The following MICAL2 variants were observed in gnomAD, a reference collection of about 807,000 sequenced individuals.
MICAL2 encodes [F-actin]-monooxygenase MICAL2.
Under a neutral mutation model 127.3 loss-of-function variants are expected in MICAL2, and 77 were observed. The ratio of observed to expected loss-of-function variants is 0.60; its 90% CI spans 0.50 to 0.73. The LOEUF is 0.73. MICAL2 is among the 30% of genes least tolerant of loss of function. MICAL2 has a pLI of 0.00. For missense variants in MICAL2, 1,351 were observed against 1,434.4 expected, an observed-to-expected ratio of 0.94 and a Z score of 0.94; for synonymous variants, 570 against 551.1, an observed-to-expected ratio of 1.03 and a Z score of -0.48.
intron 33 of MICAL2, among the ~76,000 whole-genome samples, chr11:12,352,913 A>C (rs1939074392): frequency 6.6e-6 from 1 of 152,230 alleles, no homozygotes; most frequent in Non-Finnish European, 1.5e-5. Flanking sequence ...AATTCCATGC[A>C]GGCAGGAACG....
chr11:12,243,069 A>G (rs1225950639), intron 20 of MICAL2: 5 of 245,908 alleles, frequency 2.0e-5, no homozygotes, highest in Non-Finnish European at 3.8e-5. Flanking sequence ...GTATTTTCCA[A>G]GCAGGCTCTG....
At chr11:12,161,644 G>GCCTA (rs1854808575) in intron 2 of MICAL2, 1 of 157,668 alleles carries the variant, frequency 6.3e-6, no homozygotes, top group Non-Finnish European at 1.4e-5. Context: ...AGTGTAATGT[G>GCCTA]GCTGGGTTAT....
chr11:12,127,548 C>T (rs536054470), intron 1 of MICAL2, among the ~76,000 whole-genome samples: 1 of 152,120 alleles, frequency 6.6e-6, no homozygotes, highest in African/African-American at 2.4e-5. Flanking sequence ...GGGAGCAGCT[C>T]GGGGAGGGCT....
In MICAL2 at chr11:12,239,592, C is replaced by T. The variant is rs773347472; in HGVS notation, c.2214+7C>T. On this transcript the variant is annotated splice_region_variant and intron_variant, in intron 17 of 27. Coordinates refer to ENST00000683283, the MANE Select transcript of MICAL2 (RefSeq NM_001282663.2). ...CCCCTCACTCATGAAGCAGGTGAGT[C>T]ATGTCAAATACTCACTGGACCTAAC... The T allele has an allele frequency of 3.2e-5, 52 of 1,613,318 alleles. No homozygotes were observed. Among genetic ancestry groups the T allele is most frequent in the Non-Finnish European group, 4.3e-5 (51 of 1,179,732 alleles).
chr11:12,242,569 G>T, intron 19 of MICAL2, 102 bp from the exon 20 acceptor site: 16 of 1,437,240 alleles, frequency 1.1e-5, no homozygotes, highest in Non-Finnish European at 1.6e-5. Flanking sequence ...TGGTGAGCAG[G>T]CAAGGCCCCC....
At chr11:12,213,062 C>T (rs746924684) in intron 6 of MICAL2, among the ~76,000 whole-genome samples, 193 bp from the exon 7 acceptor site, 7 of 146,448 alleles carry the variant, frequency 4.8e-5, no homozygotes, top group African/African-American at 1.2e-4. Context: ...ATTTTAGAAA[C>T]GGACAGTCTC....
intron 32 of MICAL2, among the ~76,000 whole-genome samples, chr11:12,335,800 T>C (rs191552809): frequency 8.5e-5 from 13 of 152,340 alleles, no homozygotes; most frequent in Admixed American, 7.8e-4. Context: ...TCTGTTCTGT[T>C]CCATTGGTCT....
downstream of MICAL2, among the ~76,000 whole-genome samples, chr11:12,291,109 G>C (rs1013982545): frequency 6.6e-6 from 1 of 152,170 alleles, no homozygotes; most frequent in Non-Finnish European, 1.5e-5. Context: ...TCCACGTGGA[G>C]GTCCTGGGAA....
chr11:12,215,633 A>G lies in MICAL2; in HGVS notation c.848-586A>G, dbSNP rs114826763. On this transcript the variant is annotated intron_variant, in intron 7 of 27. Transcript: ENST00000683283. ...TGGAGCTAAGCTCTCATTGCACAGC[A>G]TGGTTTTAAATGCAGGAACTTAGTG... Among the ~76,000 whole-genome samples the G allele has an allele frequency of 5.4e-3, 827 of 152,342 alleles. 6 individuals carry two copies. The highest frequency in any genetic ancestry group is 0.019 in the African/African-American group (796 of 41,574).
chr11:12,332,447 C>G (rs1453814857), intron 32 of MICAL2, among the ~76,000 whole-genome samples: 1 of 152,064 alleles, frequency 6.6e-6, no homozygotes, highest in East Asian at 1.9e-4. Context: ...AAAAGGACAC[C>G]AACCTTATAG....
chr11:12,264,654 T>A (rs111509167), downstream of MICAL2, among the ~76,000 whole-genome samples: 1 of 152,246 alleles, frequency 6.6e-6, no homozygotes, highest in African/African-American at 2.4e-5. Flanking sequence ...GAGGCTCTGG[T>A]CTCTGATGCC....
At chr11:12,111,259 C>G (rs189777810) in intron 1 of MICAL2, among the ~76,000 whole-genome samples, 1 of 152,104 alleles carries the variant, frequency 6.6e-6, no homozygotes, top group Admixed American at 6.5e-5. Context: ...GGGCTGGAGC[C>G]CAGTCGGGAT....
chr11:12,125,836 A>G (rs545891548), intron 1 of MICAL2, among the ~76,000 whole-genome samples: 91 of 151,448 alleles, frequency 6.0e-4, no homozygotes, highest in African/African-American at 2.2e-3. Context: ...TATTCTTTTG[A>G]CTTTGGAATC....
intron 8 of MICAL2, among the ~76,000 whole-genome samples, chr11:12,219,040 T>C (rs1388258912): frequency 6.6e-6 from 1 of 152,196 alleles, no homozygotes; most frequent in African/African-American, 2.4e-5. Flanking sequence ...TGATATTCCC[T>C]TTTTACAGAT....
intron 1 of MICAL2, among the ~76,000 whole-genome samples, chr11:12,277,139 G>A (rs1452663317): frequency 6.6e-6 from 1 of 152,072 alleles, no homozygotes; most frequent in African/African-American, 2.4e-5. Context: ...GGGCTCGCCT[G>A]TGTGTTTGGG....
intron 2 of MICAL2, among the ~76,000 whole-genome samples, chr11:12,141,151 G>C (rs1221170184): frequency 6.6e-6 from 1 of 152,182 alleles, no homozygotes; most frequent in Non-Finnish European, 1.5e-5. Flanking sequence ...AAGGGATCCA[G>C]CTGGCCTTGT....
intron 2 of MICAL2, among the ~76,000 whole-genome samples, chr11:12,143,569 T>C (rs1371409792): frequency 2.0e-5 from 3 of 152,178 alleles, no homozygotes; most frequent in Non-Finnish European, 2.9e-5. Context: ...CACACACCAA[T>C]GGAAGTGATT....
At chr11:12,164,595 T>C (rs1201837171) in intron 3 of MICAL2, among the ~76,000 whole-genome samples, 1 of 152,218 alleles carries the variant, frequency 6.6e-6, no homozygotes, top group Non-Finnish European at 1.5e-5. Flanking sequence ...AAACACATTT[T>C]TCTCCATGTT....
At chr11:12,133,939 G>A (rs1265308274) in intron 1 of MICAL2, among the ~76,000 whole-genome samples, 2 of 152,250 alleles carry the variant, frequency 1.3e-5, no homozygotes, top group Non-Finnish European at 2.9e-5. Flanking sequence ...GAGCACAGAT[G>A]TGAGTGACAG....
Sources: gnomAD v4.1 joint callset for allele counts (sites outside exome capture counted in the v4.1 genomes callset) on GRCh38, gnomAD v4.1.1 for gene constraint, MANE v1.5 for transcripts, NCBI Gene and HGNC (gene_info 2026-07-23, HGNC 2026-07-21) for gene names.